CADPS: variants seen among roughly 807,000 people sequenced by gnomAD.
CADPS encodes the protein calcium dependent secretion activator, also known as calcium-dependent secretion activator 1.
Under a neutral mutation model 167.3 loss-of-function variants are expected in CADPS, and 57 were observed. The ratio of observed to expected loss-of-function variants is 0.34; its 90% CI spans 0.28 to 0.42. The LOEUF is 0.42. Ranked by LOEUF, CADPS falls within the 20% of genes least tolerant of loss-of-function variation. The pLI is 1.00. For synonymous variants in CADPS, 676 were observed against 635.3 expected, an observed-to-expected ratio of 1.06 and a Z score of -0.96; for missense variants, 1,414 against 1,738.1, an observed-to-expected ratio of 0.81 and a Z score of 3.32.
At chr3:62,804,332 G>A (rs1368205724) in intron 1 of CADPS, among the ~76,000 whole-genome samples, 3 of 152,246 alleles carry the variant, frequency 2.0e-5, no homozygotes, top group South Asian at 2.1e-4. Flanking sequence ...GCCATCTTGA[G>A]GCCAAGGGTA....
At chr3:62,505,524 T>C (rs952531557) in intron 17 of CADPS, among the ~76,000 whole-genome samples, 7 of 152,198 alleles carry the variant, frequency 4.6e-5, no homozygotes, top group Non-Finnish European at 8.8e-5. Context: ...ACCTCAACTG[T>C]TGCTAAAGCC....
rs2074005044 is a variant in CADPS, at chr3:62,532,867, T to C, written c.2291+4A>G. The C allele has an allele frequency of 6.2e-7, 1 of 1,613,040 alleles. No individual in the cohort carries two copies. Among genetic ancestry groups the C allele is most frequent in the Admixed American group, 1.7e-5 (1 of 59,950 alleles). On this transcript the variant is annotated splice_donor_region_variant and intron_variant, in intron 13 of 29. Transcript: ENST00000383710. ...CACCTCTAGACACACGAACACACAC[T>C]TACCTGTTCCCATGGACATGGGATG...
chr3:62,769,987 C>T (rs2088148525), intron 1 of CADPS, among the ~76,000 whole-genome samples: 1 of 151,884 alleles, frequency 6.6e-6, no homozygotes, highest in Non-Finnish European at 1.5e-5. Flanking sequence ...CATAAAAGAG[C>T]CAAATGATAA....
chr3:62,830,292 G>C (rs1488463476), intron 1 of CADPS, among the ~76,000 whole-genome samples: 2 of 152,092 alleles, frequency 1.3e-5, no homozygotes, highest in Non-Finnish European at 2.9e-5. Context: ...AATCAAAGTT[G>C]CTTTTCCGGG....
At chr3:62,415,747 G>A (rs898714913) in intron 28 of CADPS, among the ~76,000 whole-genome samples, 1 of 152,146 alleles carries the variant, frequency 6.6e-6, no homozygotes, top group Non-Finnish European at 1.5e-5. Context: ...ACTGTGCAAG[G>A]GTTCCCCGCT....
In CADPS at chr3:62,595,930, T is replaced by C. The variant is rs564993943; in HGVS notation, c.1326-3182A>G. On this transcript the variant is annotated intron_variant, in intron 6 of 29. Coordinates refer to ENST00000383710, the MANE Select transcript of CADPS (RefSeq NM_003716.4). ...TCCAGCAGCCTATATCTTTCTCCCA[T>C]GCTGGATGCTTCTTGCCCTCAAACA... is the stretch of plus-strand genomic sequence containing the variant. Among the ~76,000 whole-genome samples, 5 of 152,276 alleles carry C rather than the reference T, an allele frequency of 3.3e-5. No homozygotes were observed. The South Asian group carries it at 1.0e-3, about 32-fold the overall frequency.
At position 62,732,538 on chromosome 3, in the gene CADPS, T is replaced by C. The variant is rs1041983923; in HGVS notation, c.888+20903A>G. 2.0e-5 allele frequency among the ~76,000 whole-genome samples: 3 copies of C among 152,196 alleles called. No homozygotes were observed. In the South Asian group the frequency reaches 6.2e-4, roughly 31 times the overall value. On this transcript the variant is annotated intron_variant, in intron 3 of 29. Coordinates refer to ENST00000383710, the MANE Select transcript of CADPS (RefSeq NM_003716.4). ...TTCCTGACCCTCAAAAATTGTAAGA[T>C]AAGAAACATGTGTTGTTTCAAACCA...
intron 1 of CADPS, among the ~76,000 whole-genome samples, chr3:62,853,935 G>A (rs910650201): frequency 5.3e-5 from 8 of 152,182 alleles, no homozygotes; most frequent in East Asian, 1.9e-4. Context: ...CAGCCTGGGC[G>A]ACAGACAGTA....
rs34729200 is a variant in CADPS at position 62,525,679 on chromosome 3, ATGTG to A, written c.2291+7188_2291+7191del. 5.6e-3 allele frequency among the ~76,000 whole-genome samples: 827 copies of A among 148,428 alleles called. 3 individuals are homozygous for A. The highest frequency in any genetic ancestry group is 0.013 in the African/African-American group (538 of 40,210). ...GAGAAGCACCGGATGTAATGTCATTATGTGTGTGTGTGTGTGTGTGTGTGTATGT... is the reference window on the plus strand; with the variant it reads ...GAGAAGCACCGGATGTAATGTCATTATGTGTGTGTGTGTGTGTGTGTATGT... On this transcript the variant is annotated intron_variant, in intron 13 of 29. Transcript: ENST00000383710.
chr3:62,518,986 T>C (rs2069719379), intron 13 of CADPS, among the ~76,000 whole-genome samples: 1 of 152,228 alleles, frequency 6.6e-6, no homozygotes, highest in Non-Finnish European at 1.5e-5. Flanking sequence ...TGATTTCAGT[T>C]TGATCATCAT....
intron 1 of CADPS, among the ~76,000 whole-genome samples, chr3:62,766,770 C>T (rs1327636341): frequency 1.3e-5 from 2 of 152,156 alleles, no homozygotes; most frequent in African/African-American, 4.8e-5. Context: ...CTCTATCATG[C>T]CATCCATCAG....
intron 9 of CADPS, among the ~76,000 whole-genome samples, chr3:62,568,384 G>C (rs1049911467): frequency 5.9e-5 from 9 of 152,248 alleles, no homozygotes; most frequent in African/African-American, 2.2e-4. Flanking sequence ...AGTGCAGCTA[G>C]AACGAAGCAG....
chr3:62,608,005 C>T (rs1036971768), intron 6 of CADPS, among the ~76,000 whole-genome samples: 2 of 152,130 alleles, frequency 1.3e-5, no homozygotes, highest in Non-Finnish European at 2.9e-5. Context: ...ATAGGCTCAA[C>T]CTGGAGCCAG....
Position 62,875,135 on chromosome 3 carries a change from C to T in CADPS, c.-106G>A. On this transcript the variant is annotated 5_prime_UTR_variant, in exon 1 of 30. Transcript: ENST00000383710. ...CAGCTCTCCCGGGTGGGCGCTTCTCCCCAGGTCAGGGAGCGAGAGCGCTGC... is the reference window on the plus strand; with the variant it reads ...CAGCTCTCCCGGGTGGGCGCTTCTCTCCAGGTCAGGGAGCGAGAGCGCTGC... 7.6e-7 allele frequency: 1 copy of T among 1,308,766 alleles called. No individual in the cohort carries two copies. The highest frequency in any genetic ancestry group is 9.8e-7 in the Non-Finnish European group (1 of 1,016,648). The allele number at this position is 1,308,766 out of a possible 1,614,324, so 81.1% of individuals were successfully genotyped here.
At chr3:62,499,365 G>GT (rs1246874208) in intron 17 of CADPS, 97 bp from the exon 18 acceptor site, 4 of 750,820 alleles carry the variant, frequency 5.3e-6, no homozygotes, top group African/African-American at 1.7e-5. Context: ...ATAGTTATCA[G>GT]TTTTTTAAAA....
chr3:62,802,637 G>A (rs1182548971), intron 1 of CADPS, among the ~76,000 whole-genome samples: 2 of 152,172 alleles, frequency 1.3e-5, no homozygotes, highest in African/African-American at 4.8e-5. Context: ...AAAGTGAAAA[G>A]AGCTCAAAAT....
chr3:62,618,888 TA>T (rs1376649677), intron 6 of CADPS, among the ~76,000 whole-genome samples: 1 of 152,286 alleles, frequency 6.6e-6, no homozygotes, highest in African/African-American at 2.4e-5. Context: ...AAGTACTAGA[TA>T]AAAAAGATCC....
chr3:62,838,771 T>C (rs1229864892), intron 1 of CADPS, among the ~76,000 whole-genome samples: 1 of 152,202 alleles, frequency 6.6e-6, no homozygotes, highest in African/African-American at 2.4e-5. Flanking sequence ...TAATCTTGAA[T>C]ATAGAAGGAA....
intron 1 of CADPS, among the ~76,000 whole-genome samples, chr3:62,842,322 A>C (rs2153048108): frequency 6.6e-6 from 1 of 152,344 alleles, no homozygotes; most frequent in South Asian, 2.1e-4. Context: ...TAACTCATCC[A>C]AAGTCACATA....
Sources: allele counts gnomAD v4.1 joint callset (sites outside exome capture counted in the v4.1 genomes callset), GRCh38; gene constraint gnomAD v4.1.1; transcripts MANE v1.5; gene names NCBI Gene and HGNC (gene_info 2026-07-23, HGNC 2026-07-21).